The following PEX7 variants were observed in gnomAD, a reference collection of about 807,000 sequenced individuals.
PEX7 encodes peroxisomal biogenesis factor 7.
In PEX7, 34 loss-of-function variants were observed where a neutral mutation model predicts 47.5. The ratio of observed to expected loss-of-function variants is 0.72; its 90% CI spans 0.54 to 0.95. PEX7 has a LOEUF of 0.95. PEX7 is among the 40% of genes least tolerant of loss of function. The probability of loss-of-function intolerance (pLI) is 0.00; values close to 1 mark genes in which losing one functional copy is unlikely to be tolerated. For synonymous variants in PEX7, 141 were observed against 148.8 expected (o/e 0.95, Z 0.38); for missense variants, 394 against 400.3 (o/e 0.98, Z 0.13).
At chr6:136,827,310 A>G (rs1400462926) in intron 3 of PEX7, among the ~76,000 whole-genome samples, 2 of 152,206 alleles carry the variant, frequency 1.3e-5, no homozygotes, top group African/African-American at 4.8e-5. Context: ...AAATAATGAA[A>G]AATTTTAGTT....
intron 5 of PEX7, among the ~76,000 whole-genome samples, chr6:136,850,638 A>G (rs1288680621): frequency 1.3e-5 from 2 of 152,182 alleles, no homozygotes; most frequent in African/African-American, 4.8e-5. Context: ...ATGGATGGTA[A>G]TGTTATAACT....
intron 8 of PEX7, among the ~76,000 whole-genome samples, chr6:136,892,331 A>G (rs994212096): frequency 5.3e-5 from 8 of 152,198 alleles, no homozygotes; most frequent in African/African-American, 1.7e-4. Flanking sequence ...GTGTTAATCA[A>G]AACTGCCTGA....
At chr6:136,865,599 A>G (rs1245259036) in intron 5 of PEX7, among the ~76,000 whole-genome samples, 1 of 152,138 alleles carries the variant, frequency 6.6e-6, no homozygotes, top group Admixed American at 6.6e-5. Flanking sequence ...ACGCCTGGCT[A>G]AAACTCCATC....
Position 136,913,657 on chromosome 6 carries a change from C to T in PEX7, c.*131C>T, listed in dbSNP as rs552445739. The T allele has an allele frequency of 1.3e-6, 1 of 760,892 alleles. No individual in the cohort carries two copies. Among genetic ancestry groups the T allele is most frequent in the East Asian group, 2.5e-5 (1 of 39,926 alleles). 47.1% of individuals were successfully genotyped at this position (760,892 alleles called of 1,614,324 possible). ...AGATTTCAAATCTTTCCAATTTACC[C>T]TGGAATCAGTTTTGAGGGAGCTGAT... On this transcript the variant is annotated 3_prime_UTR_variant, in exon 10 of 10. Coordinates refer to ENST00000318471, the MANE Select transcript of PEX7 (RefSeq NM_000288.4).
chr6:136,906,379 AAGTC>A (rs2115288710), intron 9 of PEX7, among the ~76,000 whole-genome samples: 1 of 152,348 alleles, frequency 6.6e-6, no homozygotes, highest in Non-Finnish European at 1.5e-5. Flanking sequence ...TCCAATGAGA[AAGTC>A]AGTTAAAATA....
intron 8 of PEX7, among the ~76,000 whole-genome samples, chr6:136,879,734 A>G (rs1772100441): frequency 6.6e-6 from 1 of 152,156 alleles, no homozygotes; most frequent in Admixed American, 6.6e-5. Context: ...TGGAACTCCC[A>G]TTATGTATAA....
rs1028201184 is a variant in PEX7 at position 136,845,831 on chromosome 6, A to G, written c.417+139A>G. The G allele has an allele frequency of 1.4e-5, 10 of 697,902 alleles. 1 individual carries two copies. Among genetic ancestry groups the G allele is most frequent in the South Asian group, 1.2e-4 (7 of 59,360 alleles). 43.2% of individuals were successfully genotyped at this position (697,902 alleles called of 1,614,324 possible). On this transcript the variant is annotated intron_variant, in intron 4 of 9. Transcript: ENST00000318471. ...TTTCTTTTAAAAAAAAAATTAAAAC[A>G]CTTATTAGAACTTAAAATTTTCTAA...
intron 2 of PEX7, among the ~76,000 whole-genome samples, chr6:136,826,047 A>AT (rs1491198296): frequency 2.0e-5 from 3 of 152,178 alleles, no homozygotes; most frequent in African/African-American, 2.4e-5. Context: ...AAATTTAAAC[A>AT]TAAAAAAATG....
At chr6:136,893,877 G>T (rs989494907) in intron 8 of PEX7, among the ~76,000 whole-genome samples, 7 of 152,176 alleles carry the variant, frequency 4.6e-5, no homozygotes, top group Admixed American at 2.0e-4. Context: ...AAAAGGAAAA[G>T]AAAGAACTTT....
intron 9 of PEX7, among the ~76,000 whole-genome samples, chr6:136,899,393 C>T (rs1387760981): frequency 6.6e-6 from 1 of 152,124 alleles, no homozygotes; most frequent in African/African-American, 2.4e-5. Flanking sequence ...CAGGCACATG[C>T]CACCATGCCT....
intron 6 of PEX7, 110 bp from the exon 7 acceptor site, chr6:136,869,780 G>A (rs1349515229): frequency 1.8e-5 from 15 of 853,658 alleles, no homozygotes. Flanking sequence ...ATGACTCCTT[G>A]GTTCATATTA....
At position 136,882,458 on chromosome 6, in the gene PEX7, G is replaced by A. The variant is rs1223936953; in HGVS notation, c.803+10205G>A. 5.3e-5 allele frequency among the ~76,000 whole-genome samples: 8 copies of A among 152,060 alleles called. No individual in the cohort carries two copies. The South Asian group carries it at 1.0e-3, about 20-fold the overall frequency. ...CTCCCAAAGTGCTGGGATTATAGGC[G>A]TGAGCCCCCGCACCTGGCCCTTTGC... On this transcript the variant is annotated intron_variant, in intron 8 of 9. Coordinates refer to ENST00000318471, the MANE Select transcript of PEX7 (RefSeq NM_000288.4).
At chr6:136,896,957 A>G (rs1169377383) in intron 8 of PEX7, among the ~76,000 whole-genome samples, 1 of 152,222 alleles carries the variant, frequency 6.6e-6, no homozygotes, top group Non-Finnish European at 1.5e-5. Context: ...GGAGACCACT[A>G]TTAGGATTTC....
chr6:136,904,861 C>G (rs903791759), intron 9 of PEX7, among the ~76,000 whole-genome samples: 1 of 152,116 alleles, frequency 6.6e-6, no homozygotes, highest in Non-Finnish European at 1.5e-5. Context: ...TCTGATCTTT[C>G]ATTCCTGAAT....
At chr6:136,843,550 A>G (rs1260324171) in intron 3 of PEX7, among the ~76,000 whole-genome samples, 1 of 152,218 alleles carries the variant, frequency 6.6e-6, no homozygotes, top group Non-Finnish European at 1.5e-5. Flanking sequence ...TGTAAAATCT[A>G]AAGTATTTAC....
At chr6:136,894,599 A>G (rs1775614627) in intron 8 of PEX7, among the ~76,000 whole-genome samples, 1 of 152,202 alleles carries the variant, frequency 6.6e-6, no homozygotes, top group Non-Finnish European at 1.5e-5. Flanking sequence ...CAAAAAAAAT[A>G]AAAGTAATAA....
At chr6:136,839,175 A>C (rs1053754026) in intron 3 of PEX7, among the ~76,000 whole-genome samples, 1 of 152,168 alleles carries the variant, frequency 6.6e-6, no homozygotes, top group Non-Finnish European at 1.5e-5. Context: ...ACAGAGTGAG[A>C]TCCTGTCTCA....
rs142660233 is a variant in PEX7 at position 136,854,756 on chromosome 6, C to G, written c.526+8575C>G. 8.3e-3 allele frequency among the ~76,000 whole-genome samples: 1,262 copies of G among 152,172 alleles called. 23 individuals carry two copies. Among genetic ancestry groups the G allele is most frequent in the African/African-American group, 0.028 (1,143 of 41,504 alleles). Reference sequence around the variant, plus strand: ...AGTTTCAAAGGAGTCATTTCAAACTCTAGATTGAATTAGTGGTGTAGAATA... The same window carrying G: ...AGTTTCAAAGGAGTCATTTCAAACTGTAGATTGAATTAGTGGTGTAGAATA... On this transcript the variant is annotated intron_variant, in intron 5 of 9. Transcript: ENST00000318471.
intron 3 of PEX7, among the ~76,000 whole-genome samples, chr6:136,837,361 C>CAAAAAAAAAGAAAAA (rs753771796): frequency 1.2e-5 from 1 of 83,452 alleles, no homozygotes; most frequent in Non-Finnish European, 2.2e-5. Context: ...GAGTCTGTCA[C>CAAAAAAAAAGAAAAA]AAAAAAAAAA....
Sources: allele counts gnomAD v4.1 joint callset (sites outside exome capture counted in the v4.1 genomes callset), GRCh38; gene constraint gnomAD v4.1.1; transcripts MANE v1.5; gene names NCBI Gene and HGNC (gene_info 2026-07-23, HGNC 2026-07-21).